GRK5: variants seen among roughly 807,000 people sequenced by gnomAD.
GRK5 encodes G protein-coupled receptor kinase 5, also known as g protein-coupled receptor kinase GRK5.
Under a neutral mutation model 78.4 loss-of-function variants are expected in GRK5, and 40 were observed. The ratio of observed to expected loss-of-function variants is 0.51; its 90% confidence interval spans 0.40 to 0.66. The LOEUF (loss-of-function observed/expected upper bound fraction) is 0.66, where lower values mean the gene tolerates loss of function less well. Ranked by LOEUF, GRK5 falls within the 30% of genes least tolerant of loss-of-function variation. The pLI is 0.00. For missense variants in GRK5, 598 were observed against 759.9 expected, an observed-to-expected ratio of 0.79 and a Z score of 2.50; for synonymous variants, 289 against 296.8, an observed-to-expected ratio of 0.97 and a Z score of 0.27.
At chr10:119,423,520 A>G (rs980667977) in intron 5 of GRK5, among the ~76,000 whole-genome samples, 4 of 152,216 alleles carry the variant, frequency 2.6e-5, no homozygotes, top group African/African-American at 9.6e-5. Flanking sequence ...GGAATGTGCA[A>G]ACATTTGACC....
chr10:119,298,078 G>C (rs908656926), intron 1 of GRK5, among the ~76,000 whole-genome samples: 5 of 152,156 alleles, frequency 3.3e-5, no homozygotes, highest in Admixed American at 6.5e-5. Context: ...CATTCTGGGG[G>C]AAGTGCCTCT....
In GRK5 at chr10:119,436,834, G is replaced by A. The variant is rs769347901; in HGVS notation, c.922G>A (p.Val308Ile). Residue 308 changes from valine (V) to isoleucine (I), a missense_variant, in exon 9 of 16, where the codon GTC becomes ATC. Val to Ile is a conservative substitution (Grantham distance 29). Transcript: ENST00000392870. ...AGAAGACCTCCACCGTGAGAACACCGTCTACCGGTGAGTGGAAGGCACCAA... is the reference window on the plus strand; with the variant it reads ...AGAAGACCTCCACCGTGAGAACACCATCTACCGGTGAGTGGAAGGCACCAA... ...GLEDLHRENT[V>I]YRDLKPENIL... 7.7e-5 allele frequency: 123 copies of A among 1,597,746 alleles called. 2 individuals are homozygous for A. Among genetic ancestry groups the A allele is most frequent in the South Asian group, 4.3e-4 (38 of 88,844 alleles).
rs368897064 is a variant in GRK5, at chr10:119,411,460, A to G, written c.340-11706A>G. Among the ~76,000 whole-genome samples, 13 of 152,308 alleles carry G rather than the reference A, an allele frequency of 8.5e-5. No homozygotes were observed. The East Asian group carries it at 1.3e-3, about 16-fold the overall frequency. On this transcript the variant is annotated intron_variant, in intron 4 of 15. Coordinates refer to ENST00000392870, the MANE Select transcript of GRK5 (RefSeq NM_005308.3). ...TGGATGCCATCTTCCTAAAGGCATC[A>G]TGGCCTCTGGAAGGGCCCTGGAGAG...
rs564710366 is a variant in GRK5 at position 119,244,551 on chromosome 10, G to A, written c.52+36582G>A. ...CTCAATGTGTTGCCTGGGCAACAAA[G>A]TGAGACCCCCATCTCTACAGAAAAA... On this transcript the variant is annotated intron_variant, in intron 1 of 15. Transcript: ENST00000392870. Among the ~76,000 whole-genome samples, 5 of 152,340 alleles carry A rather than the reference G, an allele frequency of 3.3e-5. No individual in the cohort carries two copies. In the South Asian group the frequency reaches 1.0e-3, roughly 32 times the overall value.
At chr10:119,369,685 G>A (rs534749138) in intron 2 of GRK5, among the ~76,000 whole-genome samples, 19 of 152,278 alleles carry the variant, frequency 1.2e-4, no homozygotes, top group African/African-American at 4.6e-4. Context: ...CTGCTGATGC[G>A]CCAGGTGCCT....
At chr10:119,435,089 C>T (rs1010044803) in intron 8 of GRK5, among the ~76,000 whole-genome samples, 1 of 152,224 alleles carries the variant, frequency 6.6e-6, no homozygotes, top group Non-Finnish European at 1.5e-5. Flanking sequence ...CACTGGGCAC[C>T]AAGTCCCTTG....
intron 1 of GRK5, among the ~76,000 whole-genome samples, chr10:119,209,487 GTTTTTTTTTTTTTT>G (rs60169912): frequency 2.0e-5 from 2 of 98,922 alleles, no homozygotes; most frequent in Admixed American, 1.3e-4. Context: ...TGTGTGTGTG[GTTTTTTTTTTTTTT>G]TTTTTTTTTT....
At chr10:119,454,928 T>G (rs772089631) in intron 15 of GRK5, 41 bp from the exon 16 acceptor site, 6 of 1,364,122 alleles carry the variant, frequency 4.4e-6, no homozygotes, top group Non-Finnish European at 6.3e-6. Context: ...CAGGACTGAC[T>G]TCTGTTCTCT....
chr10:119,418,267 C>T (rs1312360473), intron 4 of GRK5, among the ~76,000 whole-genome samples: 1 of 152,194 alleles, frequency 6.6e-6, no homozygotes, highest in Non-Finnish European at 1.5e-5. Context: ...GGCAGAGTGC[C>T]CCCAGCTTCA....
Position 119,452,844 on chromosome 10 carries a change from G to T in GRK5, c.1542+36G>T. The T allele has an allele frequency of 6.3e-7, 1 of 1,584,834 alleles. No homozygotes were observed. The highest frequency in any genetic ancestry group is 1.1e-5 in the South Asian group (1 of 89,338). On this transcript the variant is annotated intron_variant, in intron 14 of 15. Coordinates refer to ENST00000392870, the MANE Select transcript of GRK5 (RefSeq NM_005308.3). The surrounding 1 kb of genome is among the most constrained non-coding windows in gnomAD (Gnocchi z 4.4). ...CAGACCACTTGCTTTGGTCTGGGTG[G>T]GAGGGAGGGACTGACGGGTGGAAGG...
At chr10:119,454,817 G>A (rs941053893) in intron 15 of GRK5, 152 bp from the exon 16 acceptor site, 1 of 612,162 alleles carries the variant, frequency 1.6e-6, no homozygotes, top group Non-Finnish European at 2.9e-6. Context: ...TGTGCCTCCA[G>A]GGGTGGCCCT....
At chr10:119,393,940 G>T (rs1250040066) in intron 3 of GRK5, among the ~76,000 whole-genome samples, 1 of 150,936 alleles carries the variant, frequency 6.6e-6, no homozygotes, top group Non-Finnish European at 1.5e-5. Context: ...ATCTGTGGGT[G>T]TGTGGTGTTT....
At chr10:119,292,176 T>TTCCTCCTCCTCC (rs1486748312) in intron 1 of GRK5, among the ~76,000 whole-genome samples, 1 of 35,034 alleles carries the variant, frequency 2.9e-5, no homozygotes, top group East Asian at 1.6e-3. Context: ...CCTCCTCCTC[T>TTCCTCCTCCTCC]TCCTCCTCCT....
intron 3 of GRK5, among the ~76,000 whole-genome samples, chr10:119,394,069 C>A (rs1360804503): frequency 8.7e-6 from 1 of 115,416 alleles, no homozygotes; most frequent in African/African-American, 3.4e-5. Flanking sequence ...GTGTGTGTGT[C>A]TGTGGGTGTG....
intron 3 of GRK5, among the ~76,000 whole-genome samples, chr10:119,384,066 C>A (rs900179916): frequency 6.6e-6 from 1 of 152,172 alleles, no homozygotes; most frequent in East Asian, 1.9e-4. Flanking sequence ...TTGGCCTTCC[C>A]GGAGTCTTTC....
At chr10:119,365,098 A>T (rs1564906485) in intron 2 of GRK5, among the ~76,000 whole-genome samples, 1 of 152,258 alleles carries the variant, frequency 6.6e-6, no homozygotes, top group Non-Finnish European at 1.5e-5. Context: ...CCAGGCTGAG[A>T]CAGAGCTTAC....
At chr10:119,396,893 T>C in intron 4 of GRK5, 121 bp downstream of exon 4, 1 of 778,426 alleles carries the variant, frequency 1.3e-6, no homozygotes, top group Non-Finnish European at 2.2e-6. Flanking sequence ...TGGCTGTTGT[T>C]GACCTCCTGA....
At chr10:119,441,199 T>G (rs1185696492) in intron 10 of GRK5, among the ~76,000 whole-genome samples, 1 of 152,216 alleles carries the variant, frequency 6.6e-6, no homozygotes, top group Non-Finnish European at 1.5e-5. Flanking sequence ...GCTGCTCCTC[T>G]GCTATCCTGA....
chr10:119,378,585 C>G lies in GRK5; in HGVS notation c.149-2230C>G, dbSNP rs915889586. 6.6e-6 allele frequency among the ~76,000 whole-genome samples: 1 copy of G among 152,252 alleles called. No individual in the cohort carries two copies. The highest frequency in any genetic ancestry group is 1.5e-5 in the Non-Finnish European group (1 of 68,050). ...GAGGCAGACAGCGGAGTGCTGAGGC[C>G]GTGTCCCCGTGTGGTGAATAAATGC... On this transcript the variant is annotated intron_variant, in intron 2 of 15. Transcript: ENST00000392870. This position sits in a 1 kb window ranked among gnomAD's most constrained non-coding sequence, Gnocchi z 4.5.
Sources: allele counts gnomAD v4.1 joint callset (sites outside exome capture counted in the v4.1 genomes callset), GRCh38; gene constraint gnomAD v4.1.1; non-coding constraint Gnocchi (gnomAD v3.1); transcripts MANE v1.5; gene names NCBI Gene and HGNC (gene_info 2026-07-23, HGNC 2026-07-21).